Variants in CAMK1D observed in about 807,000 individuals in gnomAD.
CAMK1D encodes calcium/calmodulin dependent protein kinase ID.
CAMK1D carries 9 observed loss-of-function variants against 47.7 expected under a neutral mutation model. The ratio of observed to expected loss-of-function variants is 0.19; its 90% CI spans 0.11 to 0.33. The LOEUF (loss-of-function observed/expected upper bound fraction) is 0.33, where lower values mean the gene tolerates loss of function less well. Ranked by LOEUF, CAMK1D falls within the 10% of genes least tolerant of loss-of-function variation. The pLI is 1.00. For synonymous variants in CAMK1D, 184 were observed against 184.9 expected, an observed-to-expected ratio of 0.99 and a Z score of 0.04; for missense variants, 291 against 488.7, an observed-to-expected ratio of 0.60 and a Z score of 3.81.
At chr10:12,793,616 C>G (rs1838075277) in intron 6 of CAMK1D, among the ~76,000 whole-genome samples, 2 of 152,242 alleles carry the variant, frequency 1.3e-5, no homozygotes, top group Admixed American at 6.5e-5. Flanking sequence ...CTTTTCCTGA[C>G]TTGCAGACAG....
intron 1 of CAMK1D, among the ~76,000 whole-genome samples, chr10:12,408,917 G>A (rs1374384622): frequency 4.1e-5 from 6 of 145,900 alleles, no homozygotes; most frequent in Non-Finnish European, 6.0e-5. Flanking sequence ...GCAGTGGCGC[G>A]ATCTCAGCTC....
chr10:12,647,613 T>C (rs1303427350), intron 2 of CAMK1D, among the ~76,000 whole-genome samples: 1 of 152,152 alleles, frequency 6.6e-6, no homozygotes, highest in Non-Finnish European at 1.5e-5. Context: ...GGGCGGGAAT[T>C]GTTCTGTATT....
At chr10:12,361,936 G>A (rs188800611) in intron 1 of CAMK1D, among the ~76,000 whole-genome samples, 260 of 152,138 alleles carry the variant, frequency 1.7e-3, no homozygotes, top group Middle Eastern at 6.8e-3. Flanking sequence ...CCTAAGTTTG[G>A]GGTTCCGTCT....
intron 2 of CAMK1D, among the ~76,000 whole-genome samples, chr10:12,618,628 A>G (rs1183240749): frequency 6.6e-6 from 1 of 152,156 alleles, no homozygotes; most frequent in African/African-American, 2.4e-5. Context: ...TTCATTAAGC[A>G]TTGCCAGAGT....
At chr10:12,696,106 A>G (rs1833285516) in intron 3 of CAMK1D, among the ~76,000 whole-genome samples, 1 of 152,084 alleles carries the variant, frequency 6.6e-6, no homozygotes, top group Non-Finnish European at 1.5e-5. Flanking sequence ...AAAATAAAAT[A>G]AAATAAACGA....
chr10:12,751,985 CTTT>C (rs111668928), intron 3 of CAMK1D, among the ~76,000 whole-genome samples: 1 of 144,546 alleles, frequency 6.9e-6, no homozygotes, highest in African/African-American at 2.5e-5. Flanking sequence ...CTTGGATTAT[CTTT>C]TTTTTTTTTT....
intron 1 of CAMK1D, among the ~76,000 whole-genome samples, chr10:12,359,136 GTATGGCTTTGGGCCAAT>G (rs1290763143): frequency 6.6e-6 from 1 of 152,176 alleles, no homozygotes; most frequent in Non-Finnish European, 1.5e-5. Context: ...CTTCCTAGCT[GTATGGCTTTGGGCCAAT>G]TATTTTACCA....
intron 10 of CAMK1D, among the ~76,000 whole-genome samples, chr10:12,826,779 A>C (rs918439889): frequency 6.6e-6 from 1 of 152,200 alleles, no homozygotes; most frequent in Non-Finnish European, 1.5e-5. Flanking sequence ...CCCCTGACAT[A>C]CCATAGCTCC....
At chr10:12,463,594 CTA>C (rs1833501050) in intron 1 of CAMK1D, among the ~76,000 whole-genome samples, 1 of 151,746 alleles carries the variant, frequency 6.6e-6, no homozygotes, top group African/African-American at 2.4e-5. Context: ...ATCTGTGTCT[CTA>C]TCAGCCAGTT....
chr10:12,441,567 C>G (rs1029823259), intron 1 of CAMK1D, among the ~76,000 whole-genome samples: 2 of 150,674 alleles, frequency 1.3e-5, no homozygotes, highest in Admixed American at 6.6e-5. Context: ...AATCCCAGCA[C>G]TTTGGGAGGC....
chr10:12,370,912 G>A (rs1336322358), intron 1 of CAMK1D, among the ~76,000 whole-genome samples: 1 of 151,916 alleles, frequency 6.6e-6, no homozygotes, highest in African/African-American at 2.4e-5. Context: ...CCGGCCTTGT[G>A]TTTTAATTTT....
At chr10:12,620,960 A>G (rs544522216) in intron 2 of CAMK1D, among the ~76,000 whole-genome samples, 2 of 152,352 alleles carry the variant, frequency 1.3e-5, no homozygotes, top group South Asian at 4.1e-4. Context: ...TGAGATTTAT[A>G]CAAAAGAAAA....
intron 3 of CAMK1D, among the ~76,000 whole-genome samples, chr10:12,691,176 T>C (rs1832863039): frequency 6.6e-6 from 1 of 151,726 alleles, no homozygotes; most frequent in African/African-American, 2.4e-5. Context: ...AAAGGGATGC[T>C]TGCAACTGAA....
At chr10:12,565,941 C>T (rs752525189) in intron 2 of CAMK1D, among the ~76,000 whole-genome samples, 5 of 151,916 alleles carry the variant, frequency 3.3e-5, no homozygotes, top group East Asian at 1.9e-4. Flanking sequence ...AGAATAAATC[C>T]GTAACTGTGG....
chr10:12,477,952 A>G (rs903878092), intron 1 of CAMK1D, among the ~76,000 whole-genome samples: 1 of 151,218 alleles, frequency 6.6e-6, no homozygotes, highest in Non-Finnish European at 1.5e-5. Context: ...TGAATTCTAG[A>G]TGCTGTCCAT....
intron 3 of CAMK1D, among the ~76,000 whole-genome samples, chr10:12,698,979 C>G (rs1833405697): frequency 6.6e-6 from 1 of 151,586 alleles, no homozygotes; most frequent in South Asian, 2.1e-4. Context: ...CCTAGAGATT[C>G]TTTTTTTTAA....
At chr10:12,676,022 G>A (rs892987471) in intron 3 of CAMK1D, among the ~76,000 whole-genome samples, 5 of 152,048 alleles carry the variant, frequency 3.3e-5, no homozygotes, top group Non-Finnish European at 7.4e-5. Flanking sequence ...GCGCGATCTC[G>A]GCTCACCACA....
At chr10:12,474,337 G>A (rs1833838922) in intron 1 of CAMK1D, among the ~76,000 whole-genome samples, 4 of 151,554 alleles carry the variant, frequency 2.6e-5, no homozygotes, top group Non-Finnish European at 1.5e-5. Context: ...TAGCTGAGGA[G>A]CCCACCACCA....
chr10:12,672,195 G>A (rs561681317), intron 3 of CAMK1D, among the ~76,000 whole-genome samples: 18 of 151,978 alleles, frequency 1.2e-4, no homozygotes, highest in South Asian at 4.2e-4. Flanking sequence ...GATTACAAGC[G>A]TGAGCCACCT....
Sources: allele counts gnomAD v4.1 joint callset (sites outside exome capture counted in the v4.1 genomes callset), GRCh38; gene constraint gnomAD v4.1.1; transcripts MANE v1.5; gene names NCBI Gene and HGNC (gene_info 2026-07-23, HGNC 2026-07-21).